The following LAMC1 variants were observed in gnomAD, a reference collection of about 807,000 sequenced individuals.
The protein encoded by LAMC1 is laminin subunit gamma 1.
A neutral mutation model predicts 173.6 loss-of-function variants in LAMC1; 38 were observed. The observed-to-expected ratio is 0.22, with a 90% CI of 0.17 to 0.29. LAMC1 has a LOEUF of 0.29. LAMC1 is among the 10% of genes least tolerant of loss of function. The probability of loss-of-function intolerance (pLI) is 1.00; values close to 1 mark genes in which losing one functional copy is unlikely to be tolerated. For synonymous variants in LAMC1, 746 were observed against 749.1 expected, an observed-to-expected ratio of 1.00 and a Z score of 0.07; for missense variants, 1,824 against 2,051.8, an observed-to-expected ratio of 0.89 and a Z score of 2.14.
intron 1 of LAMC1, among the ~76,000 whole-genome samples, chr1:183,039,350 G>A (rs941763539): frequency 3.3e-5 from 5 of 152,198 alleles, no homozygotes; most frequent in Admixed American, 2.0e-4. Context: ...CTTGGGTAAA[G>A]GGTCGTGATC....
chr1:183,117,224 C>T (rs2102084609), intron 8 of LAMC1, 96 bp from the exon 9 acceptor site: 1 of 1,335,508 alleles, frequency 7.5e-7, no homozygotes, highest in Non-Finnish European at 1.0e-6. Context: ...TTTCTGTATA[C>T]AAGGTGTGGT....
chr1:183,064,589 A>G (rs1248720893), intron 1 of LAMC1, among the ~76,000 whole-genome samples: 1 of 152,216 alleles, frequency 6.6e-6, no homozygotes, highest in Non-Finnish European at 1.5e-5. Flanking sequence ...ATCAATGAGT[A>G]ACAGTGGCCG....
rs192158397 is a variant in LAMC1 at position 183,110,969 on chromosome 1, C to A, written c.1021+315C>A. 1.9e-4 allele frequency among the ~76,000 whole-genome samples: 29 copies of A among 152,242 alleles called. No individual in the cohort carries two copies. The East Asian group carries it at 4.1e-3, about 21-fold the overall frequency. On this transcript the variant is annotated intron_variant, in intron 4 of 27. Coordinates refer to ENST00000258341, the MANE Select transcript of LAMC1 (RefSeq NM_002293.4). ...TACTCCGGAATATGGTTTCTCTAGT[C>A]GTATTTGTTCCCCTTTAAAATACTA...
At chr1:183,042,878 A>G (rs149263247) in intron 1 of LAMC1, among the ~76,000 whole-genome samples, 7 of 152,102 alleles carry the variant, frequency 4.6e-5, no homozygotes, top group Non-Finnish European at 5.9e-5. Flanking sequence ...CTCTATGTCT[A>G]TCTGCCTCGG....
intron 1 of LAMC1, among the ~76,000 whole-genome samples, chr1:183,026,351 G>A (rs1653686040): frequency 6.6e-6 from 1 of 152,142 alleles, no homozygotes; most frequent in African/African-American, 2.4e-5. Flanking sequence ...TAGTGGAGGA[G>A]GTGGGAAGGG....
At chr1:183,053,085 A>C (rs771426680) in intron 1 of LAMC1, among the ~76,000 whole-genome samples, 1 of 152,202 alleles carries the variant, frequency 6.6e-6, no homozygotes, top group Non-Finnish European at 1.5e-5. Context: ...GAGATCCGTC[A>C]TTCTGAATTT....
intron 18 of LAMC1, among the ~76,000 whole-genome samples, chr1:183,129,249 G>GTA (rs1656716020): frequency 6.8e-6 from 1 of 146,334 alleles, no homozygotes; most frequent in South Asian, 2.1e-4. Flanking sequence ...ACCATGCCCG[G>GTA]GGTAATTTTT....
Position 183,103,548 on chromosome 1 carries a change from TC to T in LAMC1, c.643del (p.Leu215SerfsTer30). The T allele has an allele frequency of 6.2e-7, 1 of 1,613,370 alleles. No individual in the cohort carries two copies. Among genetic ancestry groups the T allele is most frequent in the Non-Finnish European group, 8.5e-7 (1 of 1,179,482 alleles). ...LCTDEFSDISPLTGGNVAFST... is the reference protein window; with the variant it reads ...LCTDEFSDISXLTGGNVAFST... Reference sequence around the variant, plus strand: ...GTACTGATGAATTCAGTGACATTTCTCCCCTCACTGGGGGCAACGTGGCCTT... The same window carrying T: ...GTACTGATGAATTCAGTGACATTTCTCCCTCACTGGGGGCAACGTGGCCTT... On this transcript the variant is annotated frameshift_variant, in exon 2 of 28. Coordinates refer to ENST00000258341, the MANE Select transcript of LAMC1 (RefSeq NM_002293.4). LOFTEE classifies it high-confidence loss of function.
intron 1 of LAMC1, among the ~76,000 whole-genome samples, chr1:183,038,751 A>G (rs1256236838): frequency 2.0e-5 from 3 of 152,206 alleles, no homozygotes; most frequent in African/African-American, 7.2e-5. Context: ...CGACCATTTT[A>G]TTATCAAAAA....
At chr1:183,113,416 A>T (rs1463492568) in intron 4 of LAMC1, among the ~76,000 whole-genome samples, 2 of 152,112 alleles carry the variant, frequency 1.3e-5, no homozygotes, top group African/African-American at 4.8e-5. Flanking sequence ...TTTAAACAAC[A>T]TCCTGTTCGA....
rs1656344955 is a variant in LAMC1, at chr1:183,117,129, T to TAATAAA, written c.1565-190_1565-185dup. On this transcript the variant is annotated intron_variant, in intron 8 of 27. Coordinates refer to ENST00000258341, the MANE Select transcript of LAMC1 (RefSeq NM_002293.4). ...GTGATTACAAATGTTATATAAATAG[T>TAATAAA]AATAAAGTAAAATATAGTTTGAGTG... 4.4e-6 allele frequency: 3 copies of TAATAAA among 679,358 alleles called. No homozygotes were observed. In the Admixed American group the frequency reaches 9.9e-5, roughly 22 times the overall value. The allele number at this position is 679,358 out of a possible 1,614,324, so 42.1% of individuals were successfully genotyped here. A position where few individuals can be genotyped will look rare whatever the true frequency, so the allele number is the denominator to read the frequency against.
At position 183,130,597 on chromosome 1, in the gene LAMC1, G is replaced by GT. The variant is rs748403211; in HGVS notation, c.3486+51dup. ...GGTGGGGATGGGGGAGGCCCCTGGGGTTTGTAGCAAGTCTGTTACTGGCAG... is the reference window on the plus strand; with the variant it reads ...GGTGGGGATGGGGGAGGCCCCTGGGGTTTTGTAGCAAGTCTGTTACTGGCAG... On this transcript the variant is annotated intron_variant, in intron 19 of 27. Transcript: ENST00000258341. 4 of 1,489,054 alleles carry GT rather than the reference G, an allele frequency of 2.7e-6. No individual in the cohort carries two copies. In the African/African-American group the frequency reaches 5.5e-5, roughly 21 times the overall value. The allele number at this position is 1,489,054 out of a possible 1,614,324, so 92.2% of individuals were successfully genotyped here.
At chr1:183,075,030 G>A (rs1430699976) in intron 1 of LAMC1, among the ~76,000 whole-genome samples, 1 of 151,870 alleles carries the variant, frequency 6.6e-6, no homozygotes, top group Non-Finnish European at 1.5e-5. Flanking sequence ...CTTGTCTAAC[G>A]GAAAGTATTT....
At position 183,079,787 on chromosome 1, in the gene LAMC1, C is replaced by CGGTA. The variant is rs1571426691; in HGVS notation, c.419-23539_419-23536dup. ...TGATAAAAATTCTGAATTTGAAGAG[C>CGGTA]GGTAGATCAGGTGATTTTACTTGAA... On this transcript the variant is annotated intron_variant, in intron 1 of 27. Coordinates refer to ENST00000258341, the MANE Select transcript of LAMC1 (RefSeq NM_002293.4). 2.0e-5 allele frequency among the ~76,000 whole-genome samples: 3 copies of CGGTA among 152,240 alleles called. No individual in the cohort carries two copies. The East Asian group carries it at 5.8e-4, about 29-fold the overall frequency.
intron 6 of LAMC1, among the ~76,000 whole-genome samples, chr1:183,116,016 G>A (rs1180751264): frequency 6.6e-6 from 1 of 152,038 alleles, no homozygotes; most frequent in Non-Finnish European, 1.5e-5. Context: ...AGTAGTCCCA[G>A]CTACTCGGGA....
chr1:183,117,912 A>G, intron 10 of LAMC1, 122 bp from the exon 11 acceptor site: 1 of 756,310 alleles, frequency 1.3e-6, no homozygotes, highest in Non-Finnish European at 2.2e-6. Context: ...CAATAGTCTT[A>G]TTTTTTATTT....
intron 1 of LAMC1, among the ~76,000 whole-genome samples, chr1:183,042,478 A>T (rs1186781686): frequency 2.6e-5 from 4 of 152,182 alleles, no homozygotes; most frequent in Non-Finnish European, 5.9e-5. Flanking sequence ...CAGATCTATT[A>T]CAGTGATGGA....
At chr1:183,035,759 G>T (rs1021878706) in intron 1 of LAMC1, among the ~76,000 whole-genome samples, 2 of 152,152 alleles carry the variant, frequency 1.3e-5, no homozygotes, top group East Asian at 3.9e-4. Flanking sequence ...GTGTGTGACT[G>T]TTGCTTAGGG....
At chr1:183,065,691 G>C (rs941474708) in intron 1 of LAMC1, among the ~76,000 whole-genome samples, 2 of 152,186 alleles carry the variant, frequency 1.3e-5, no homozygotes, top group Admixed American at 6.5e-5. Flanking sequence ...GTATATTTTT[G>C]ATTATAATTT....
Sources: allele counts gnomAD v4.1 joint callset (sites outside exome capture counted in the v4.1 genomes callset), GRCh38; gene constraint gnomAD v4.1.1; transcripts MANE v1.5; gene names NCBI Gene and HGNC (gene_info 2026-07-23, HGNC 2026-07-21).